The following PPID variants were observed in gnomAD, a reference collection of about 807,000 sequenced individuals.
PPID encodes peptidyl-prolyl cis-trans isomerase D.
Under a neutral mutation model 48.1 loss-of-function variants are expected in PPID, and 47 were observed. The ratio of observed to expected loss-of-function variants is 0.98; its 90% CI spans 0.77 to 1.25. The LOEUF (loss-of-function observed/expected upper bound fraction) is 1.25. Ranked by LOEUF, PPID falls within the 50% of genes most tolerant of loss-of-function variation. The probability of loss-of-function intolerance (pLI) is 0.00; values close to 1 mark genes in which losing one functional copy is unlikely to be tolerated. For synonymous variants in PPID, 163 were observed against 148.8 expected (o/e 1.10, Z -0.69); for missense variants, 429 against 443.5 (o/e 0.97, Z 0.29).
chr4:158,710,240 G>C (rs563104225), intron 9 of PPID: 11 of 341,104 alleles, frequency 3.2e-5, no homozygotes, highest in Non-Finnish European at 4.8e-5. Flanking sequence ...CATTCAACTT[G>C]AATGGTCCCA....
intron 3 of PPID, 58 bp from the exon 4 acceptor site, chr4:158,717,258 G>A (rs780212111): frequency 1.3e-5 from 19 of 1,482,050 alleles, no homozygotes; most frequent in Non-Finnish European, 1.7e-5. Flanking sequence ...TCTGAATTGT[G>A]TGTTAGTCTG....
intron 7 of PPID, among the ~76,000 whole-genome samples, chr4:158,711,505 G>C (rs1467960337): frequency 6.6e-6 from 1 of 152,004 alleles, no homozygotes; most frequent in Non-Finnish European, 1.5e-5. Flanking sequence ...GGAATTACAG[G>C]CATGAACCAC....
At chr4:158,716,955 T>C (rs995551714) in intron 4 of PPID, 57 bp downstream of exon 4, 72 of 1,540,644 alleles carry the variant, frequency 4.7e-5, no homozygotes, top group Non-Finnish European at 5.7e-5. Context: ...CGAGACTCCG[T>C]CTCAAAAAGA....
At chr4:158,716,945 C>A (rs1278747985) in intron 4 of PPID, 67 bp downstream of exon 4, 2 of 1,491,086 alleles carry the variant, frequency 1.3e-6, no homozygotes, top group African/African-American at 1.4e-5. Flanking sequence ...TGGAACAGAT[C>A]GAGACTCCGT....
chr4:158,715,425 T>A, intron 5 of PPID, 22 bp from the exon 6 acceptor site: 5 of 1,484,446 alleles, frequency 3.4e-6, no homozygotes, highest in Non-Finnish European at 4.5e-6. Flanking sequence ...AATACAAATA[T>A]GTTGGATTTT....
In PPID at chr4:158,710,866, G is replaced by A. The variant is rs1774779890; in HGVS notation, c.895-18C>T. On this transcript the variant is annotated intron_variant, in intron 7 of 9. Transcript: ENST00000307720. ...TCAAGAGCCTACAAAAAAGTATAAA[G>A]CTAGTATTTATATCAAAGTATTAAG... 6.3e-7 allele frequency: 1 copy of A among 1,576,918 alleles called. No homozygotes were observed. Among genetic ancestry groups the A allele is most frequent in the South Asian group, 1.1e-5 (1 of 89,300 alleles).
intron 2 of PPID, among the ~76,000 whole-genome samples, chr4:158,719,992 A>G (rs568494452): frequency 6.6e-6 from 1 of 152,270 alleles, no homozygotes; most frequent in East Asian, 1.9e-4. Context: ...TACAGAACAC[A>G]CACTTCCCCC....
chr4:158,717,366 CTTT>C (rs1774890631), intron 3 of PPID, among the ~76,000 whole-genome samples, 166 bp from the exon 4 acceptor site: 3 of 152,014 alleles, frequency 2.0e-5, no homozygotes, highest in African/African-American at 4.8e-5. Context: ...TTTTTAATTA[CTTT>C]TTATTTTTTT....
In PPID at chr4:158,710,668, A is replaced by G. The variant is rs1389374870; in HGVS notation, c.984T>C (p.Ala328=). The stretch of plus-strand genomic sequence containing the variant: ...CTATCCCCTGAGCTTTCTTAAGATC[A>G]GCCTTTAATTGGAAAAAAACATTTA... ...QGLKEYDQAL[A]DLKKAQGIAP... is the part of the protein sequence containing the mutation. Residue 328 remains alanine (A), a splice_region_variant and synonymous_variant, in exon 9 of 10, where the codon GCT becomes GCC. Transcript: ENST00000307720. The G allele has an allele frequency of 3.7e-6, 6 of 1,613,886 alleles. No individual in the cohort carries two copies. Among genetic ancestry groups the G allele is most frequent in the Non-Finnish European group, 5.1e-6 (6 of 1,179,832 alleles).
intron 6 of PPID, 41 bp from the exon 7 acceptor site, chr4:158,713,301 A>G: frequency 6.6e-7 from 1 of 1,525,066 alleles, no homozygotes; most frequent in South Asian, 1.3e-5. Flanking sequence ...AAGACCACAT[A>G]AACAGGAATT....
rs1774751986 is a variant in PPID, at chr4:158,709,833, T to C, written c.1025-9A>G. ...CAATTCTGCCTGGATAGCTGTAAAA[T>C]AAATATGCAATGTGAGTTATTTCTC... On this transcript the variant is annotated splice_polypyrimidine_tract_variant and intron_variant, in intron 9 of 9. Transcript: ENST00000307720. 3 of 1,590,072 alleles carry C rather than the reference T, an allele frequency of 1.9e-6. No individual in the cohort carries two copies. The highest frequency in any genetic ancestry group is 2.6e-6 in the Non-Finnish European group (3 of 1,160,540).
Position 158,710,757 on chromosome 4 carries a change from T to C in PPID, c.981+5A>G. 1 of 1,612,892 alleles carries C rather than the reference T, an allele frequency of 6.2e-7. No individual in the cohort carries two copies. The highest frequency in any genetic ancestry group is 8.5e-7 in the Non-Finnish European group (1 of 1,179,000). On this transcript the variant is annotated splice_donor_5th_base_variant and intron_variant, in intron 8 of 9. Coordinates refer to ENST00000307720, the MANE Select transcript of PPID (RefSeq NM_005038.3). ...AAAAAATTAAACATTTGGAACAAAA[T>C]TTACCAATGCTTGATCATATTCTTT...
In PPID at chr4:158,709,505, C is replaced by G. The variant is rs567762149; in HGVS notation, c.*231G>C. The G allele has an allele frequency of 3.1e-6, 1 of 321,398 alleles. No individual in the cohort carries two copies. Among genetic ancestry groups the G allele is most frequent in the African/African-American group, 2.2e-5 (1 of 46,296 alleles). The allele number at this position is 321,398 out of a possible 1,614,324, so 19.9% of individuals were successfully genotyped here. A position where few individuals can be genotyped will look rare whatever the true frequency, so the allele number is the denominator to read the frequency against. On this transcript the variant is annotated 3_prime_UTR_variant, in exon 10 of 10. Transcript: ENST00000307720. The stretch of plus-strand genomic sequence containing the variant: ...CGAGATTGCGCCACCGCACTCCAGC[C>G]TGGGTGACAGAGCAAGACTCCATCT...
intron 1 of PPID, among the ~76,000 whole-genome samples, chr4:158,722,163 A>C (rs908582089): frequency 6.6e-6 from 1 of 152,244 alleles, no homozygotes; most frequent in African/African-American, 2.4e-5. Flanking sequence ...GAAACATTAC[A>C]CTAAGGATCA....
Position 158,715,360 on chromosome 4 carries a change from C to T in PPID, c.689G>A (p.Gly230Glu), listed in dbSNP as rs768744307. 6.5e-7 allele frequency: 1 copy of T among 1,541,588 alleles called. No homozygotes were observed. Among genetic ancestry groups the T allele is most frequent in the East Asian group, 2.3e-5 (1 of 43,002 alleles). Residue 230 changes from glycine to glutamate, a missense_variant, in exon 6 of 10, where the codon GGA becomes GAA. By Grantham distance (98) the Gly-to-Glu change is moderately conservative. Coordinates refer to ENST00000307720, the MANE Select transcript of PPID (RefSeq NM_005038.3). The part of the protein sequence containing the change: ...LLITEDLKNI[G>E]NTFFKSQNWE... ...GTTCTGGGATTTGAAAAAAGTATTTCCAATGTTTTTTAAGTCTTCTGTTAT... is the reference window on the plus strand; with the variant it reads ...GTTCTGGGATTTGAAAAAAGTATTTTCAATGTTTTTTAAGTCTTCTGTTAT...
Position 158,710,775 on chromosome 4 carries a change from T to C in PPID, c.968A>G (p.Tyr323Cys), listed in dbSNP as rs763378856. 1 of 1,613,770 alleles carries C rather than the reference T, an allele frequency of 6.2e-7. No homozygotes were observed. Among genetic ancestry groups the C allele is most frequent in the Admixed American group, 1.7e-5 (1 of 60,030 alleles). The part of the protein sequence containing the change: ...RAQGWQGLKE[Y>C]DQALADLKKA... The stretch of plus-strand genomic sequence containing the variant: ...AACAAAATTTACCAATGCTTGATCA[T>C]ATTCTTTTAATCCTTGCCATCCTTG... The change falls in exon 8 of 10, where the codon TAT becomes TGT. Residue 323 changes from tyrosine to cysteine, a missense_variant. Coordinates refer to ENST00000307720, the MANE Select transcript of PPID (RefSeq NM_005038.3).
chr4:158,710,167 G>A (rs1774761269), intron 9 of PPID: 1 of 329,480 alleles, frequency 3.0e-6, no homozygotes, highest in African/African-American at 2.2e-5. Context: ...TGAAAAACAA[G>A]CTTATTTTTG....
At chr4:158,715,923 T>C (rs565412705) in intron 4 of PPID, among the ~76,000 whole-genome samples, 26 of 152,310 alleles carry the variant, frequency 1.7e-4, no homozygotes, top group African/African-American at 6.0e-4. Context: ...AATTTTATCA[T>C]TGTCTATGTA....
intron 4 of PPID, 72 bp downstream of exon 4, chr4:158,716,940 C>G: frequency 6.7e-7 from 1 of 1,489,220 alleles, no homozygotes; most frequent in African/African-American, 1.4e-5. Flanking sequence ...CAGCCTGGAA[C>G]AGATCGAGAC....
Sources: gnomAD v4.1 joint callset for allele counts (sites outside exome capture counted in the v4.1 genomes callset) on GRCh38, gnomAD v4.1.1 for gene constraint, MANE v1.5 for transcripts, NCBI Gene and HGNC (gene_info 2026-07-23, HGNC 2026-07-21) for gene names.